Variants in PACRG observed in about 807,000 individuals in gnomAD.
PACRG encodes parkin coregulated gene protein.
In PACRG, 29 loss-of-function variants were observed where a neutral mutation model predicts 29.7. That is an observed-to-expected ratio of 0.98 (90% CI 0.73 to 1.33). PACRG has a LOEUF of 1.33. Among genes scored for constraint, PACRG ranks in the 40% most tolerant of loss-of-function variants. The pLI, the probability that PACRG is intolerant of heterozygous loss-of-function variation, is 0.00. For missense variants in PACRG, 279 were observed against 316.2 expected (o/e 0.88, Z 0.89); for synonymous variants, 116 against 118.7 (o/e 0.98, Z 0.15).
At chr6:163,121,460 T>C (rs1816264600) in intron 4 of PACRG, among the ~76,000 whole-genome samples, 1 of 152,148 alleles carries the variant, frequency 6.6e-6, no homozygotes, top group Non-Finnish European at 1.5e-5. Context: ...GCTCACTCTC[T>C]TTGGCTCATC....
intron 4 of PACRG, among the ~76,000 whole-genome samples, chr6:163,185,846 G>C (rs1469915905): frequency 6.6e-6 from 1 of 152,152 alleles, no homozygotes; most frequent in African/African-American, 2.4e-5. Context: ...TCAGCAGGTT[G>C]TGCATCGGGA....
chr6:163,027,945 A>G (rs76357224), intron 2 of PACRG, among the ~76,000 whole-genome samples: 2,690 of 152,304 alleles, frequency 0.018, 89 homozygotes, highest in African/African-American at 0.061. Flanking sequence ...AACCACCTTC[A>G]GCACTGGCTT....
At chr6:162,800,291 T>C (rs1302809585) in intron 1 of PACRG, among the ~76,000 whole-genome samples, 1 of 152,236 alleles carries the variant, frequency 6.6e-6, no homozygotes, top group Admixed American at 6.5e-5. Context: ...AGAAAGGCTA[T>C]TAACCTTTTC....
intron 2 of PACRG, among the ~76,000 whole-genome samples, chr6:162,987,839 AT>A (rs1296741012): frequency 6.6e-6 from 1 of 152,176 alleles, no homozygotes; most frequent in African/African-American, 2.4e-5. Flanking sequence ...TCAAATGCTG[AT>A]TATGCTAGCA....
chr6:162,895,899 T>C lies in PACRG; in HGVS notation c.291+81618T>C, dbSNP rs1283978537. 2.0e-5 allele frequency among the ~76,000 whole-genome samples: 3 copies of C among 152,338 alleles called. 1 individual carries two copies. Among genetic ancestry groups the C allele is most frequent in the Admixed American group, 2.0e-4 (3 of 15,308 alleles). On this transcript the variant is annotated intron_variant, in intron 2 of 4. Coordinates refer to ENST00000366888, the MANE Select transcript of PACRG (RefSeq NM_001080379.2). ...TCGAACAGTTTCTATTATTTGTAACTTTTTCTTTGTAGTGTTTACTGTGAA... is the reference window on the plus strand; with the variant it reads ...TCGAACAGTTTCTATTATTTGTAACCTTTTCTTTGTAGTGTTTACTGTGAA...
Position 163,263,263 on chromosome 6 carries a change from T to C in PACRG, c.614-51564T>C, listed in dbSNP as rs189817160. Among the ~76,000 whole-genome samples the C allele has an allele frequency of 2.0e-5, 3 of 151,768 alleles. 1 individual carries two copies. The East Asian group carries it at 5.8e-4, about 29-fold the overall frequency. ...GAGAGCCCAGAAAGAATTCTGCAAC[T>C]GTCTGTGAGCCAACTAGACTTGAAC... On this transcript the variant is annotated intron_variant, in intron 4 of 4. Transcript: ENST00000366888.
intron 1 of PACRG, among the ~76,000 whole-genome samples, chr6:162,754,047 T>A (rs1186694578): frequency 6.6e-6 from 1 of 152,220 alleles, no homozygotes; most frequent in Admixed American, 6.5e-5. Context: ...TTTTAGTTTA[T>A]GGCAGAATCT....
chr6:162,887,725 G>C (rs6936634), intron 2 of PACRG, among the ~76,000 whole-genome samples: 105,979 of 151,922 alleles, frequency 0.7, 38,298 homozygotes, highest in African/African-American at 0.9. Context: ...CCCTGCCTCC[G>C]TCCTTAAATA....
intron 4 of PACRG, among the ~76,000 whole-genome samples, chr6:163,211,483 G>A (rs897872303): frequency 1.3e-5 from 2 of 152,062 alleles, no homozygotes; most frequent in African/African-American, 4.8e-5. Context: ...ATACACAGGT[G>A]GACTTGCACC....
At position 163,246,152 on chromosome 6, in the gene PACRG, G is replaced by A. The variant is rs148603229; in HGVS notation, c.614-68675G>A. Among the ~76,000 whole-genome samples, 43 of 152,296 alleles carry A rather than the reference G, an allele frequency of 2.8e-4. No homozygotes were observed. The East Asian group carries it at 4.1e-3, about 14-fold the overall frequency. ...ACATCCTCCAATGATATTCCATGAC[G>A]CTTAGAATCAATGTCAGTGCCCTTA... On this transcript the variant is annotated intron_variant, in intron 4 of 4. Coordinates refer to ENST00000366888, the MANE Select transcript of PACRG (RefSeq NM_001080379.2).
chr6:163,313,268 TA>T (rs1348187724), intron 4 of PACRG, among the ~76,000 whole-genome samples: 1 of 152,152 alleles, frequency 6.6e-6, no homozygotes, highest in African/African-American at 2.4e-5. Flanking sequence ...GGTCATTTAT[TA>T]TGAATAAATG....
At chr6:162,831,695 T>G (rs904335129) in intron 2 of PACRG, among the ~76,000 whole-genome samples, 5 of 152,084 alleles carry the variant, frequency 3.3e-5, no homozygotes, top group African/African-American at 9.7e-5. Context: ...GTGTGTTGTT[T>G]CCCTCCCTGT....
chr6:162,824,430 A>G (rs1042620767), intron 2 of PACRG, among the ~76,000 whole-genome samples: 3 of 152,160 alleles, frequency 2.0e-5, no homozygotes, highest in Non-Finnish European at 4.4e-5. Context: ...TGGTTTTCCA[A>G]TCCAATTCCA....
intron 4 of PACRG, among the ~76,000 whole-genome samples, chr6:163,269,889 GAAAAC>G (rs367855787): frequency 0.15 from 3,716 of 24,364 alleles, 961 homozygotes; most frequent in African/African-American, 0.3. Flanking sequence ...AAGAAAGAAA[GAAAAC>G]AAAGAAAGAA....
chr6:162,738,111 T>A (rs1757826118), intron 1 of PACRG, among the ~76,000 whole-genome samples: 1 of 152,190 alleles, frequency 6.6e-6, no homozygotes, highest in Admixed American at 6.5e-5. Context: ...ACAGCTTAAT[T>A]TGTACTCTGT....
At chr6:163,076,545 G>A (rs140155731) in intron 3 of PACRG, among the ~76,000 whole-genome samples, 39 of 152,284 alleles carry the variant, frequency 2.6e-4, no homozygotes, top group African/African-American at 9.1e-4. Context: ...TCCAAAGTCG[G>A]CCTACTTTAA....
At chr6:163,144,242 A>AAAAAC (rs1777690870) in intron 4 of PACRG, among the ~76,000 whole-genome samples, 1 of 151,168 alleles carries the variant, frequency 6.6e-6, no homozygotes, top group Non-Finnish European at 1.5e-5. Context: ...ACAAAAAAAA[A>AAAAAC]AAAAAAAGGG....
At chr6:162,790,282 C>G (rs1784830470) in intron 1 of PACRG, among the ~76,000 whole-genome samples, 1 of 152,056 alleles carries the variant, frequency 6.6e-6, no homozygotes, top group African/African-American at 2.4e-5. Context: ...CCAAATAATT[C>G]AGGCAGGCAT....
At chr6:163,109,557 T>G (rs1377996875) in intron 4 of PACRG, among the ~76,000 whole-genome samples, 1 of 152,238 alleles carries the variant, frequency 6.6e-6, no homozygotes, top group African/African-American at 2.4e-5. Flanking sequence ...TTATAATCTC[T>G]TAACATTATC....
Sources: allele counts gnomAD v4.1 joint callset (sites outside exome capture counted in the v4.1 genomes callset), GRCh38; gene constraint gnomAD v4.1.1; transcripts MANE v1.5; gene names NCBI Gene and HGNC (gene_info 2026-07-23, HGNC 2026-07-21).